Variants in ELOVL5 observed in about 807,000 individuals in gnomAD.
ELOVL5 encodes very long chain fatty acid elongase 5.
In ELOVL5, 8 loss-of-function variants were observed where a neutral mutation model predicts 38.6. The observed-to-expected ratio is 0.21, with a 90% CI of 0.12 to 0.37. The LOEUF (loss-of-function observed/expected upper bound fraction) is 0.37. Among genes scored for constraint, ELOVL5 ranks in the 10% least tolerant of loss-of-function variants. The pLI is 1.00. For missense variants in ELOVL5, 280 were observed against 367.8 expected, an observed-to-expected ratio of 0.76 and a Z score of 1.95; for synonymous variants, 127 against 133.7, an observed-to-expected ratio of 0.95 and a Z score of 0.34.
At chr6:53,341,191 C>A (rs1769309529) in intron 1 of ELOVL5, among the ~76,000 whole-genome samples, 1 of 152,188 alleles carries the variant, frequency 6.6e-6, no homozygotes, top group Non-Finnish European at 1.5e-5. Context: ...ATGGAAGAAA[C>A]AAACGGTCAC....
Position 53,273,316 on chromosome 6 carries a change from G to A in ELOVL5, c.525C>T (p.Phe175=). 6.2e-7 allele frequency: 1 copy of A among 1,613,508 alleles called. No individual in the cohort carries two copies. Among genetic ancestry groups the A allele is most frequent in the African/African-American group, 1.3e-5 (1 of 75,006 alleles). ...HSYFGATLNS[F]IHVLMYSYYG... is the part of the protein sequence containing the mutation. ...AGTAAGAGTACATGAGGACGTGGAT[G>A]AAGCTATTAAGTGTGGCACCAAAAT... Residue 175 remains phenylalanine, a synonymous_variant, in exon 6 of 8, where the codon TTC becomes TTT. Coordinates refer to ENST00000304434, the MANE Select transcript of ELOVL5 (RefSeq NM_021814.5).
chr6:53,314,937 A>T (rs1767971430), intron 1 of ELOVL5, among the ~76,000 whole-genome samples: 1 of 152,276 alleles, frequency 6.6e-6, no homozygotes, highest in Non-Finnish European at 1.5e-5. Context: ...AAGCAGTGAC[A>T]TGTTTAAAAT....
chr6:53,277,000 T>A (rs1766161229), intron 3 of ELOVL5: 1 of 146,062 alleles, frequency 6.8e-6, no homozygotes, highest in South Asian at 2.3e-4. Context: ...AGGCTCTACA[T>A]CACAGCCCAG....
intron 1 of ELOVL5, among the ~76,000 whole-genome samples, chr6:53,304,268 G>A (rs1478014040): frequency 6.6e-6 from 1 of 152,148 alleles, no homozygotes; most frequent in East Asian, 1.9e-4. Context: ...AGTTACAGAT[G>A]GCATTTCCTC....
intron 1 of ELOVL5, among the ~76,000 whole-genome samples, chr6:53,304,433 C>A (rs1455931250): frequency 7.4e-6 from 1 of 134,844 alleles, no homozygotes; most frequent in East Asian, 2.1e-4. Flanking sequence ...AACACACACA[C>A]CTCTTTTATT....
At chr6:53,324,691 A>AAAAAAAAAAC (rs70980840) in intron 1 of ELOVL5, among the ~76,000 whole-genome samples, 23,579 of 116,282 alleles carry the variant, frequency 0.2, 4,069 homozygotes, top group African/African-American at 0.29. Flanking sequence ...AAAAAAAAAA[A>AAAAAAAAAAC]GGAAAAGAAA....
chr6:53,278,130 C>A (rs1413449986), intron 3 of ELOVL5, among the ~76,000 whole-genome samples: 2 of 152,150 alleles, frequency 1.3e-5, no homozygotes, highest in African/African-American at 4.8e-5. Context: ...GAAATGTTAC[C>A]ATTTTATGAA....
intron 1 of ELOVL5, among the ~76,000 whole-genome samples, chr6:53,298,355 C>T (rs1767102724): frequency 6.6e-6 from 1 of 151,894 alleles, no homozygotes; most frequent in Admixed American, 6.6e-5. Flanking sequence ...AACCTAGATT[C>T]TATTACCTAA....
At chr6:53,307,232 T>A (rs747108944) in intron 1 of ELOVL5, among the ~76,000 whole-genome samples, 1 of 152,188 alleles carries the variant, frequency 6.6e-6, no homozygotes, top group South Asian at 2.1e-4. Flanking sequence ...TGCAAAGACA[T>A]CTGTGGCTCA....
Position 53,283,502 on chromosome 6 carries a change from G to C in ELOVL5, c.247-7246C>G, listed in dbSNP as rs1050554379. Among the ~76,000 whole-genome samples, 3 of 152,116 alleles carry C rather than the reference G, an allele frequency of 2.0e-5. No homozygotes were observed. The South Asian group carries it at 6.2e-4, about 32-fold the overall frequency. On this transcript the variant is annotated intron_variant, in intron 3 of 7. Coordinates refer to ENST00000304434, the MANE Select transcript of ELOVL5 (RefSeq NM_021814.5). ...TACTTAAAAAGGCAACACAGCAAAT[G>C]GTTAAATTTGGAGATCACTGTCATC...
At chr6:53,271,399 A>T (rs1328355517) in intron 6 of ELOVL5, among the ~76,000 whole-genome samples, 1 of 152,118 alleles carries the variant, frequency 6.6e-6, no homozygotes, top group Non-Finnish European at 1.5e-5. Flanking sequence ...AAAATACAAA[A>T]ATTAGCTGGG....
chr6:53,320,337 T>C (rs1368069678), intron 1 of ELOVL5, among the ~76,000 whole-genome samples: 1 of 151,422 alleles, frequency 6.6e-6, no homozygotes, highest in Non-Finnish European at 1.5e-5. Flanking sequence ...ACCCCACATT[T>C]CTTTTTTTTC....
intron 1 of ELOVL5, among the ~76,000 whole-genome samples, chr6:53,317,453 A>G (rs1352912266): frequency 6.6e-6 from 1 of 152,224 alleles, no homozygotes; most frequent in African/African-American, 2.4e-5. Context: ...ACCATGGAAT[A>G]CTATGCGGCC....
At position 53,347,576 on chromosome 6, in the gene ELOVL5, G is replaced by A. The variant is rs775841975; in HGVS notation, c.-9+1241C>T. 1.2e-3 allele frequency among the ~76,000 whole-genome samples: 185 copies of A among 152,124 alleles called. 1 individual carries two copies. Among genetic ancestry groups the A allele is most frequent in the Non-Finnish European group, 3.4e-4 (23 of 68,030 alleles). ...CCTGACAAGCAACATCAGCTCTTCC[G>A]TACAATTCTATGAAGCACTTCCTGC... On this transcript the variant is annotated intron_variant, in intron 1 of 7. Transcript: ENST00000304434.
At chr6:53,275,478 T>C (rs913436329) in intron 4 of ELOVL5, among the ~76,000 whole-genome samples, 5 of 152,114 alleles carry the variant, frequency 3.3e-5, no homozygotes, top group East Asian at 3.8e-4. Flanking sequence ...CTGGAGGGGT[T>C]TGAAATGACT....
intron 3 of ELOVL5, among the ~76,000 whole-genome samples, chr6:53,287,209 A>G (rs1032055852): frequency 6.6e-6 from 1 of 152,216 alleles, no homozygotes; most frequent in Admixed American, 6.5e-5. Flanking sequence ...ATTCTCTCAC[A>G]CTATTCACAA....
chr6:53,335,254 C>T (rs1012336498), intron 1 of ELOVL5, among the ~76,000 whole-genome samples: 42 of 152,208 alleles, frequency 2.8e-4, no homozygotes, highest in African/African-American at 1.0e-3. Flanking sequence ...AGGTTACTCA[C>T]CTCCAGAAAC....
rs1027559255 is a variant in ELOVL5, at chr6:53,273,551, C to T, written c.497-207G>A. 3.9e-5 allele frequency among the ~76,000 whole-genome samples: 6 copies of T among 152,308 alleles called. No individual in the cohort carries two copies. In the South Asian group the frequency reaches 6.2e-4, roughly 16 times the overall value. ...TGGGCAGGCAGCCACCAGGAGGCTC[C>T]GAGCCCAGGGGTCAGCTGTAGCTGC... On this transcript the variant is annotated intron_variant, in intron 5 of 7. Coordinates refer to ENST00000304434, the MANE Select transcript of ELOVL5 (RefSeq NM_021814.5).
chr6:53,340,585 T>C (rs1021896675), intron 1 of ELOVL5, among the ~76,000 whole-genome samples: 6 of 152,212 alleles, frequency 3.9e-5, no homozygotes, highest in African/African-American at 4.8e-5. Flanking sequence ...ATTTTTACTA[T>C]ATCTTTTCTT....
Sources: allele counts gnomAD v4.1 joint callset (sites outside exome capture counted in the v4.1 genomes callset), GRCh38; gene constraint gnomAD v4.1.1; transcripts MANE v1.5; gene names NCBI Gene and HGNC (gene_info 2026-07-23, HGNC 2026-07-21).